Variants in GRIA2 observed in about 807,000 individuals in gnomAD.
The protein encoded by GRIA2 is glutamate receptor 2.
Under a neutral mutation model 97.3 loss-of-function variants are expected in GRIA2, and 14 were observed. The observed-to-expected ratio is 0.14, with a 90% CI of 0.10 to 0.23. The LOEUF is 0.23. Among genes scored for constraint, GRIA2 ranks in the 10% least tolerant of loss-of-function variants. The probability of loss-of-function intolerance (pLI) is 1.00; values close to 1 mark genes in which losing one functional copy is unlikely to be tolerated. For missense variants in GRIA2, 558 were observed against 1,069.8 expected (o/e 0.52, Z 6.67); for synonymous variants, 412 against 387.8 (o/e 1.06, Z -0.73).
chr4:157,364,996 A>G lies in GRIA2; in HGVS notation c.*1565A>G, dbSNP rs1272506216. On this transcript the variant is annotated 3_prime_UTR_variant, in exon 16 of 16. Coordinates refer to ENST00000264426, the MANE Select transcript of GRIA2 (RefSeq NM_001083619.3). ...CCTCTTATTTCCATTAAAGCCCCCC[A>G]AGTTTAATTAATTTAGGATTTTGAA... 6.6e-6 allele frequency: 1 copy of G among 151,574 alleles called. No individual in the cohort carries two copies. Among genetic ancestry groups the G allele is most frequent in the East Asian group, 1.9e-4 (1 of 5,168 alleles). 9.4% of individuals were successfully genotyped at this position (151,574 alleles called of 1,614,324 possible). A position where few individuals can be genotyped will look rare whatever the true frequency, so the allele number is the denominator to read the frequency against.
intron 6 of GRIA2, among the ~76,000 whole-genome samples, chr4:157,325,105 G>C (rs996429706): frequency 2.0e-5 from 3 of 152,114 alleles, no homozygotes; most frequent in African/African-American, 7.2e-5. Context: ...AGGAATTATA[G>C]AAATTATATC....
At chr4:157,226,939 C>G (rs1729774250) in intron 2 of GRIA2, among the ~76,000 whole-genome samples, 1 of 152,044 alleles carries the variant, frequency 6.6e-6, no homozygotes, top group Non-Finnish European at 1.5e-5. Context: ...CTTTGTATGT[C>G]AGAATAATTA....
chr4:157,231,801 C>A (rs569519816), intron 2 of GRIA2, among the ~76,000 whole-genome samples: 2 of 151,958 alleles, frequency 1.3e-5, no homozygotes, highest in Admixed American at 1.3e-4. Flanking sequence ...ATTTCTATTT[C>A]CTTAACACCT....
chr4:157,246,466 T>C (rs1424886748), intron 2 of GRIA2, among the ~76,000 whole-genome samples: 5 of 152,158 alleles, frequency 3.3e-5, no homozygotes, highest in Non-Finnish European at 7.4e-5. Context: ...AATTTTATCC[T>C]GTTTTTAATA....
chr4:157,314,235 C>G (rs992425870), intron 4 of GRIA2, among the ~76,000 whole-genome samples: 1 of 152,208 alleles, frequency 6.6e-6, no homozygotes, highest in East Asian at 1.9e-4. Context: ...CATTTCTTGG[C>G]TCTTCTAGCT....
At chr4:157,255,732 A>G (rs1731212540) in intron 2 of GRIA2, among the ~76,000 whole-genome samples, 1 of 151,856 alleles carries the variant, frequency 6.6e-6, no homozygotes, top group Non-Finnish European at 1.5e-5. Flanking sequence ...TGCATCCAGC[A>G]GGGGTGTGAT....
chr4:157,323,681 C>A (rs1453951629), intron 6 of GRIA2, among the ~76,000 whole-genome samples: 2 of 152,248 alleles, frequency 1.3e-5, no homozygotes, highest in African/African-American at 2.4e-5. Context: ...TTATGTTTTT[C>A]TCCTAGAAGT....
intron 2 of GRIA2, among the ~76,000 whole-genome samples, chr4:157,302,066 G>C (rs1474126511): frequency 6.6e-6 from 1 of 151,644 alleles, no homozygotes; most frequent in East Asian, 2.0e-4. Context: ...CCAGCTACTC[G>C]AGAGGCTGAG....
At chr4:157,284,070 CA>C (rs1225823202) in intron 2 of GRIA2, among the ~76,000 whole-genome samples, 1 of 151,812 alleles carries the variant, frequency 6.6e-6, no homozygotes, top group Non-Finnish European at 1.5e-5. Flanking sequence ...TTCTGTAACA[CA>C]ATAGCACTTT....
At chr4:157,273,331 C>G (rs1732121347) in intron 2 of GRIA2, among the ~76,000 whole-genome samples, 1 of 151,838 alleles carries the variant, frequency 6.6e-6, no homozygotes, top group Admixed American at 6.6e-5. Flanking sequence ...TACATCATGT[C>G]CAGAAAAATA....
chr4:157,319,345 C>T (rs1057336409), intron 5 of GRIA2, among the ~76,000 whole-genome samples: 3 of 152,066 alleles, frequency 2.0e-5, no homozygotes, highest in Admixed American at 1.3e-4. Flanking sequence ...CAGAAGGTGG[C>T]TCCTCAATTT....
intron 3 of GRIA2, among the ~76,000 whole-genome samples, chr4:157,307,282 C>T (rs574249802): frequency 6.6e-6 from 1 of 152,294 alleles, no homozygotes; most frequent in Admixed American, 6.5e-5. Context: ...TGGCTATCTG[C>T]CACAATGCTG....
intron 6 of GRIA2, among the ~76,000 whole-genome samples, chr4:157,330,418 G>T (rs540458959): frequency 3.3e-5 from 5 of 151,856 alleles, no homozygotes; most frequent in African/African-American, 1.2e-4. Context: ...ATTTTATTAT[G>T]ATGTAGATAC....
chr4:157,228,790 CAAAAAAAAA>C lies in GRIA2; in HGVS notation c.229+6995_229+7003del, dbSNP rs5863257. Among the ~76,000 whole-genome samples, 3 of 39,764 alleles carry C rather than the reference CAAAAAAAAA, an allele frequency of 7.5e-5. No individual in the cohort carries two copies. In the Admixed American group the frequency reaches 1.6e-3, roughly 21 times the overall value. 26.1% of individuals were successfully genotyped at this position (39,764 alleles called of 152,430 possible). ...CCTTGGAGATGGCAAGATTCCATCT[CAAAAAAAAA>C]AAAAAAAAAAAGAAGGAAAAAAGAA... On this transcript the variant is annotated intron_variant, in intron 2 of 15. Coordinates refer to ENST00000264426, the MANE Select transcript of GRIA2 (RefSeq NM_001083619.3).
intron 2 of GRIA2, among the ~76,000 whole-genome samples, chr4:157,264,858 CA>C (rs1731697513): frequency 6.6e-6 from 1 of 151,934 alleles, no homozygotes; most frequent in African/African-American, 2.4e-5. Context: ...AGCCTTTAGC[CA>C]TTTGTTCATA....
intron 2 of GRIA2, among the ~76,000 whole-genome samples, chr4:157,229,518 G>T (rs934399121): frequency 6.6e-6 from 1 of 152,116 alleles, no homozygotes; most frequent in African/African-American, 2.4e-5. Flanking sequence ...AAAGGGAATT[G>T]GTGAGTAGCT....
rs1735535987 is a variant in GRIA2 at position 157,341,258 on chromosome 4, T to G, written c.1845-6T>G. 1 of 1,598,982 alleles carries G rather than the reference T, an allele frequency of 6.3e-7. No homozygotes were observed. Among genetic ancestry groups the G allele is most frequent in the African/African-American group, 1.3e-5 (1 of 74,570 alleles). On this transcript the variant is annotated splice_region_variant and splice_polypyrimidine_tract_variant and intron_variant, in intron 11 of 15. Transcript: ENST00000264426. ...CTTTACAAATCCATTTCATACTTGT[T>G]ATTAGATCCCTCTCTGGGCGCATTG...
intron 2 of GRIA2, among the ~76,000 whole-genome samples, chr4:157,269,969 T>C (rs1303054971): frequency 6.6e-6 from 1 of 152,098 alleles, no homozygotes; most frequent in South Asian, 2.1e-4. Flanking sequence ...CGGATTTTTC[T>C]ATCTTTAATA....
intron 12 of GRIA2, among the ~76,000 whole-genome samples, chr4:157,355,952 T>A (rs184777534): frequency 9.1e-3 from 24 of 2,642 alleles, no homozygotes; most frequent in Non-Finnish European, 0.013. Context: ...AATATATATT[T>A]ATATATTTAT....
Sources: allele counts gnomAD v4.1 joint callset (sites outside exome capture counted in the v4.1 genomes callset), GRCh38; gene constraint gnomAD v4.1.1; transcripts MANE v1.5; gene names NCBI Gene and HGNC (gene_info 2026-07-23, HGNC 2026-07-21).